Variants in SLIT2 observed in about 807,000 individuals in gnomAD.
SLIT2 encodes slit guidance ligand 2, also known as slit homolog 2 protein.
Under a neutral mutation model 185.7 loss-of-function variants are expected in SLIT2, and 41 were observed. The ratio of observed to expected loss-of-function variants is 0.22; its 90% confidence interval spans 0.17 to 0.29. The LOEUF is 0.29. Ranked by LOEUF, SLIT2 falls within the 10% of genes least tolerant of loss-of-function variation. The pLI is 1.00. For synonymous variants in SLIT2, 693 were observed against 680.2 expected (o/e 1.02, Z -0.29); for missense variants, 1,571 against 1,909.0 (o/e 0.82, Z 3.30).
chr4:20,352,214 C>T (rs544608837), intron 4 of SLIT2, among the ~76,000 whole-genome samples: 2 of 152,274 alleles, frequency 1.3e-5, no homozygotes, highest in Non-Finnish European at 2.9e-5. Context: ...TTAAAATCAT[C>T]ACTGTAACTC....
At chr4:20,555,824 A>G (rs1411060373) in intron 26 of SLIT2, among the ~76,000 whole-genome samples, 2 of 152,110 alleles carry the variant, frequency 1.3e-5, no homozygotes, top group Non-Finnish European at 2.9e-5. Flanking sequence ...AAGGAAAAAA[A>G]CAAGATCCCC....
At chr4:20,501,973 T>A (rs477648) in intron 9 of SLIT2, among the ~76,000 whole-genome samples, 1 of 151,542 alleles carries the variant, frequency 6.6e-6, no homozygotes, top group Non-Finnish European at 1.5e-5. Context: ...CATTTATATT[T>A]TTTTTTTGCA....
rs145571719 is a variant in SLIT2 at position 20,298,496 on chromosome 4, C to G, written c.395+29615C>G. 5.5e-3 allele frequency among the ~76,000 whole-genome samples: 840 copies of G among 152,226 alleles called. 6 individuals carry two copies. Among genetic ancestry groups the G allele is most frequent in the African/African-American group, 0.019 (774 of 41,542 alleles). On this transcript the variant is annotated intron_variant, in intron 4 of 36. Coordinates refer to ENST00000504154, the MANE Select transcript of SLIT2 (RefSeq NM_004787.4). ...TTTGTGCCTCTTATTCAAAAGTCAC[C>G]AGAGTTCTCTTGTGGACCTGTGGGA...
Position 20,257,934 on chromosome 4 carries a change from G to A in SLIT2, c.318G>A (p.Glu106=), listed in dbSNP as rs752307214. ...CATTCCAGGATCTTAAAGAACTAGA[G>A]AGACTGTAAGTATTTTCAATTCCAA... ...RGAFQDLKEL[E]RLRLNRNHLQ... is the part of the protein sequence containing the mutation. Residue 106 remains glutamate, a synonymous_variant, in exon 3 of 37, where the codon GAG becomes GAA. Coordinates refer to ENST00000504154, the MANE Select transcript of SLIT2 (RefSeq NM_004787.4). 11 of 1,452,202 alleles carry A rather than the reference G, an allele frequency of 7.6e-6. No individual in the cohort carries two copies. The highest frequency in any genetic ancestry group is 1.7e-4 in the Middle Eastern group (1 of 5,748). 90.0% of individuals were successfully genotyped at this position (1,452,202 alleles called of 1,614,324 possible).
At chr4:20,492,763 C>T (rs1012318883) in intron 9 of SLIT2, among the ~76,000 whole-genome samples, 4 of 151,928 alleles carry the variant, frequency 2.6e-5, no homozygotes. Context: ...ACATAGTATG[C>T]GAAAAAGTTG....
At position 20,480,773 on chromosome 4, in the gene SLIT2, G is replaced by A. The variant is rs780231371; in HGVS notation, c.525G>A (p.Arg175=). 6 of 1,611,998 alleles carry A rather than the reference G, an allele frequency of 3.7e-6. No homozygotes were observed. The African/African-American group carries it at 8.0e-5, about 22-fold the overall frequency. Residue 175 remains arginine, a synonymous_variant, in exon 6 of 37, where the codon CGG becomes CGA. Coordinates refer to ENST00000504154, the MANE Select transcript of SLIT2 (RefSeq NM_004787.4). The part of the protein sequence containing the change: ...CIEDGAFRAL[R]DLEVLTLNNN... Reference sequence around the variant, plus strand: ...AAGATGGGGCATTCAGGGCTCTCCGGGACCTGGAAGTGCTGTAAGTACTGC... The same window carrying A: ...AAGATGGGGCATTCAGGGCTCTCCGAGACCTGGAAGTGCTGTAAGTACTGC...
chr4:20,322,695 C>T (rs1304220180), intron 4 of SLIT2, among the ~76,000 whole-genome samples: 1 of 152,124 alleles, frequency 6.6e-6, no homozygotes, highest in Non-Finnish European at 1.5e-5. Context: ...GATCATTATA[C>T]TTTATGTCTT....
chr4:20,304,811 C>T (rs1486098375), intron 4 of SLIT2, among the ~76,000 whole-genome samples: 2 of 152,124 alleles, frequency 1.3e-5, no homozygotes, highest in African/African-American at 4.8e-5. Context: ...TGCCCACTCA[C>T]ACCACAGAAT....
At position 20,560,535 on chromosome 4, in the gene SLIT2, A is replaced by G. The variant is rs532748602; in HGVS notation, c.2725+6567A>G. Among the ~76,000 whole-genome samples the G allele has an allele frequency of 1.1e-4, 17 of 152,002 alleles. No individual in the cohort carries two copies. In the East Asian group the frequency reaches 3.3e-3, roughly 29 times the overall value. On this transcript the variant is annotated intron_variant, in intron 26 of 36. Coordinates refer to ENST00000504154, the MANE Select transcript of SLIT2 (RefSeq NM_004787.4). ...CCTGACCTCATCTTTTAAATATAAG[A>G]TGACGTTAGAGTGATTAAGCAGTCT...
At chr4:20,570,741 A>G (rs868598678) in intron 29 of SLIT2, among the ~76,000 whole-genome samples, 5 of 125,002 alleles carry the variant, frequency 4.0e-5, no homozygotes, top group African/African-American at 1.5e-4. Flanking sequence ...GTATATATAT[A>G]TATATATATA....
chr4:20,281,069 G>A (rs1714721002), intron 4 of SLIT2, among the ~76,000 whole-genome samples: 1 of 152,122 alleles, frequency 6.6e-6, no homozygotes, highest in African/African-American at 2.4e-5. Context: ...CACACCTCAG[G>A]TGATCCGCCC....
intron 29 of SLIT2, 94 bp from the exon 30 acceptor site, chr4:20,589,550 C>A: frequency 1.1e-6 from 1 of 926,702 alleles, no homozygotes; most frequent in Non-Finnish European, 1.7e-6. Flanking sequence ...TCACAAGCTG[C>A]CCTAACCTCT....
chr4:20,541,856 G>A (rs61790663), intron 20 of SLIT2, among the ~76,000 whole-genome samples: 31,666 of 152,010 alleles, frequency 0.21, 3,973 homozygotes, highest in Middle Eastern at 0.36. Context: ...TCCAACTTGT[G>A]GTTGGTCTTA....
At position 20,619,234 on chromosome 4, in the gene SLIT2, C is replaced by A; in HGVS notation, c.*225C>A. The A allele has an allele frequency of 2.2e-6, 1 of 446,854 alleles. No individual in the cohort carries two copies. Among genetic ancestry groups the A allele is most frequent in the South Asian group, 3.4e-5 (1 of 29,318 alleles). 27.7% of individuals were successfully genotyped at this position (446,854 alleles called of 1,614,324 possible). On this transcript the variant is annotated 3_prime_UTR_variant, in exon 37 of 37. Transcript: ENST00000504154. ...CTGGAGAAGTATGAAGAAAGATATA[C>A]CTGGAGACATTAGAACAGCGATGGG...
chr4:20,330,253 C>T (rs1259117668), intron 4 of SLIT2, among the ~76,000 whole-genome samples: 1 of 152,070 alleles, frequency 6.6e-6, no homozygotes, highest in Non-Finnish European at 1.5e-5. Flanking sequence ...CAGGAGGCAA[C>T]ATGGCTCAAA....
At chr4:20,588,269 C>A (rs1405086232) in intron 29 of SLIT2, among the ~76,000 whole-genome samples, 1 of 152,094 alleles carries the variant, frequency 6.6e-6, no homozygotes, top group Non-Finnish European at 1.5e-5. Context: ...TATCATACAC[C>A]AGATTGATGT....
intron 4 of SLIT2, among the ~76,000 whole-genome samples, chr4:20,434,628 G>A (rs921513898): frequency 1.4e-4 from 22 of 152,332 alleles, no homozygotes; most frequent in African/African-American, 5.3e-4. Context: ...TATGGGGACA[G>A]TGGAAAGTAT....
At chr4:20,493,127 A>G (rs1413962791) in intron 9 of SLIT2, among the ~76,000 whole-genome samples, 1 of 152,202 alleles carries the variant, frequency 6.6e-6, no homozygotes, top group Non-Finnish European at 1.5e-5. Context: ...GACAGATGAC[A>G]TTACTGAAAA....
intron 3 of SLIT2, among the ~76,000 whole-genome samples, chr4:20,267,743 C>T (rs556547451): frequency 1.3e-5 from 2 of 151,920 alleles, no homozygotes; most frequent in South Asian, 4.1e-4. Context: ...CCCGATGACC[C>T]TTGCAATATG....
Sources: gnomAD v4.1 joint callset for allele counts (sites outside exome capture counted in the v4.1 genomes callset) on GRCh38, gnomAD v4.1.1 for gene constraint, MANE v1.5 for transcripts, NCBI Gene and HGNC (gene_info 2026-07-23, HGNC 2026-07-21) for gene names.